CFAP36: variants seen among roughly 807,000 people sequenced by gnomAD.
The protein encoded by CFAP36 is cilia and flagella associated protein 36.
A neutral mutation model predicts 50.5 loss-of-function variants in CFAP36; 37 were observed. The observed-to-expected ratio is 0.73, with a 90% confidence interval of 0.56 to 0.96. The LOEUF (loss-of-function observed/expected upper bound fraction) is 0.96. Ranked by LOEUF, CFAP36 falls within the 50% of genes least tolerant of loss-of-function variation. CFAP36 has a pLI of 0.00. For synonymous variants in CFAP36, 138 were observed against 128.2 expected (o/e 1.08, Z -0.52); for missense variants, 407 against 396.2 (o/e 1.03, Z -0.23).
Position 55,533,943 on chromosome 2 carries a change from C to A in CFAP36, c.468C>A (p.Ile156=). Residue 156 remains isoleucine, a synonymous_variant, in exon 5 of 10, where the codon ATC becomes ATA. Transcript: ENST00000349456. The part of the protein sequence containing the change: ...VSDLEHEEMK[I]LREVLRKSKE... ...ACCTTGAACACGAAGAGATGAAAATCCTGAGGGAAGTTCTTAGGTACCATT... is the reference window on the plus strand; with the variant it reads ...ACCTTGAACACGAAGAGATGAAAATACTGAGGGAAGTTCTTAGGTACCATT... The A allele has an allele frequency of 6.2e-7, 1 of 1,607,122 alleles. No individual in the cohort carries two copies. The highest frequency in any genetic ancestry group is 8.5e-7 in the Non-Finnish European group (1 of 1,175,090).
rs373800467 is a variant in CFAP36, at chr2:55,544,058, T to C, written c.761T>C (p.Ile254Thr). 11 of 1,613,922 alleles carry C rather than the reference T, an allele frequency of 6.8e-6. No homozygotes were observed. The highest frequency in any genetic ancestry group is 5.3e-5 in the African/African-American group (4 of 74,992). ...ATTCCTGGCTTAGAGCATGCGAGCA[T>C]TGAAGGACCAATAGCAGTAAGTAAA... is the stretch of plus-strand genomic sequence containing the variant. ...LKIPGLEHASIEGPIANLSVL... is the reference protein window; with the variant it reads ...LKIPGLEHASTEGPIANLSVL... Residue 254 changes from isoleucine to threonine, a missense_variant, in exon 8 of 10, where the codon ATT becomes ACT. Transcript: ENST00000349456.
rs1245751711 is a variant in CFAP36, at chr2:55,528,886, G to A, written c.291G>A (p.Leu97=). 6.3e-7 allele frequency: 1 copy of A among 1,599,154 alleles called. No individual in the cohort carries two copies. The highest frequency in any genetic ancestry group is 1.3e-5 in the African/African-American group (1 of 74,270). Residue 97 remains leucine, a synonymous_variant, in exon 4 of 10, where the codon TTG becomes TTA. Transcript: ENST00000349456. The stretch of plus-strand genomic sequence containing the variant: ...GAGACTTCTTTCCACAGGCCATTTT[G>A]CAACCTGTGTTGGCAGCAGAAGATT... The part of the protein sequence containing the change: ...LAKTHTSQAI[L]QPVLAAEDFT...
intron 1 of CFAP36, among the ~76,000 whole-genome samples, chr2:55,521,070 G>C (rs1684049355): frequency 6.6e-6 from 1 of 152,098 alleles, no homozygotes; most frequent in Non-Finnish European, 1.5e-5. Flanking sequence ...ATGAAATTCA[G>C]TTTGACCACT....
chr2:55,540,916 G>A (rs1346142941), intron 7 of CFAP36, among the ~76,000 whole-genome samples: 1 of 152,144 alleles, frequency 6.6e-6, no homozygotes, highest in African/African-American at 2.4e-5. Context: ...GGGAGGCTGA[G>A]GCAGGAGAAT....
At chr2:55,524,219 A>T (rs1295148495) in intron 3 of CFAP36, among the ~76,000 whole-genome samples, 4 of 152,134 alleles carry the variant, frequency 2.6e-5, no homozygotes, top group Non-Finnish European at 5.9e-5. Flanking sequence ...GTGTAGTGCT[A>T]GGCTGAAGTA....
chr2:55,540,492 T>G (rs1684607727), intron 7 of CFAP36, among the ~76,000 whole-genome samples: 1 of 151,782 alleles, frequency 6.6e-6, no homozygotes, highest in Non-Finnish European at 1.5e-5. Flanking sequence ...CACACTCTCT[T>G]GATTACTGTA....
chr2:55,520,299 C>G, intron 1 of CFAP36: 1 of 1,019,898 alleles, frequency 9.8e-7, no homozygotes, highest in Non-Finnish European at 1.4e-6. Flanking sequence ...CTTTGCCAGA[C>G]TTGAGAGGAG....
At chr2:55,538,764 G>T (rs773276081) in intron 7 of CFAP36, 15 of 1,509,124 alleles carry the variant, frequency 9.9e-6, no homozygotes, top group East Asian at 2.5e-5. Context: ...TTTTTTTAAA[G>T]AAATTCAAGG....
chr2:55,522,665 T>G (rs1684101649), intron 2 of CFAP36, among the ~76,000 whole-genome samples: 1 of 152,136 alleles, frequency 6.6e-6, no homozygotes, highest in Admixed American at 6.5e-5. Context: ...TTTTTGTATT[T>G]TGTAGAGATG....
At chr2:55,540,692 C>G (rs745928128) in intron 7 of CFAP36, among the ~76,000 whole-genome samples, 1 of 152,130 alleles carries the variant, frequency 6.6e-6, no homozygotes, top group African/African-American at 2.4e-5. Flanking sequence ...GAACTGACAT[C>G]TTGACATTGA....
chr2:55,535,462 G>C (rs1027463331), intron 5 of CFAP36, among the ~76,000 whole-genome samples: 2 of 152,086 alleles, frequency 1.3e-5, no homozygotes, highest in African/African-American at 4.8e-5. Context: ...ATTCAGCTAG[G>C]GTTCATTCAG....
chr2:55,535,576 A>C (rs1177722211), intron 5 of CFAP36, 136 bp from the exon 6 acceptor site: 3 of 649,272 alleles, frequency 4.6e-6, no homozygotes, highest in African/African-American at 1.9e-5. Context: ...CTTTAGAGCA[A>C]GGCTTGATTA....
intron 7 of CFAP36, among the ~76,000 whole-genome samples, chr2:55,541,984 T>G (rs1010908819): frequency 1.1e-3 from 21 of 19,646 alleles, no homozygotes; most frequent in Non-Finnish European, 1.7e-3. Flanking sequence ...GAAGTTACCT[T>G]GCTTCTTTGT....
intron 5 of CFAP36, among the ~76,000 whole-genome samples, chr2:55,534,285 G>A (rs1164573103): frequency 6.6e-6 from 1 of 152,182 alleles, no homozygotes; most frequent in Admixed American, 6.5e-5. Context: ...GAGCTAAACA[G>A]CTTACTCCTT....
At chr2:55,520,761 A>C (rs951025240) in intron 1 of CFAP36, among the ~76,000 whole-genome samples, 2 of 152,206 alleles carry the variant, frequency 1.3e-5, no homozygotes, top group Admixed American at 1.3e-4. Context: ...AGTATTCATC[A>C]ATTATTTGAA....
chr2:55,532,880 C>T (rs367556144), intron 4 of CFAP36, among the ~76,000 whole-genome samples: 3 of 152,210 alleles, frequency 2.0e-5, no homozygotes, highest in Admixed American at 6.5e-5. Flanking sequence ...CCACCTGCTT[C>T]GCAGGAAGAT....
chr2:55,542,406 T>A (rs931280012), intron 7 of CFAP36, among the ~76,000 whole-genome samples: 3 of 152,226 alleles, frequency 2.0e-5, no homozygotes, highest in African/African-American at 7.2e-5. Flanking sequence ...AGACCTGAGT[T>A]TGGAAGAATC....
chr2:55,528,937 C>T lies in CFAP36; in HGVS notation c.342C>T (p.Val114=), dbSNP rs774981142. 2 of 1,611,376 alleles carry T rather than the reference C, an allele frequency of 1.2e-6. No homozygotes were observed. Among genetic ancestry groups the T allele is most frequent in the Admixed American group, 1.7e-5 (1 of 59,594 alleles). Reference sequence around the variant, plus strand: ...TTACTATCTTTAAAGCAATGATGGTCCAGAAAAACATTGAAATGCAGCTGC... The same window carrying T: ...TTACTATCTTTAAAGCAATGATGGTTCAGAAAAACATTGAAATGCAGCTGC... ...EDFTIFKAMM[V]QKNIEMQLQA... is the part of the protein sequence containing the mutation. Residue 114 remains valine (V), a synonymous_variant, in exon 4 of 10, where the codon GTC becomes GTT. Coordinates refer to ENST00000349456, the MANE Select transcript of CFAP36 (RefSeq NM_080667.7).
In CFAP36 at chr2:55,537,319, C is replaced by T. The variant is rs533777915; in HGVS notation, c.538-164C>T. On this transcript the variant is annotated intron_variant, in intron 6 of 9. Transcript: ENST00000349456. ...CCAGGAGCCGGAGGTTGCAGTGAGT[C>T]AGGATCACACTACTGCACTCCAGTC... Among the ~76,000 whole-genome samples, 6 of 152,012 alleles carry T rather than the reference C, an allele frequency of 3.9e-5. No homozygotes were observed. In the East Asian group the frequency reaches 5.8e-4, roughly 15 times the overall value.
Sources: gnomAD v4.1 joint callset for allele counts (sites outside exome capture counted in the v4.1 genomes callset) on GRCh38, gnomAD v4.1.1 for gene constraint, MANE v1.5 for transcripts, NCBI Gene and HGNC (gene_info 2026-07-23, HGNC 2026-07-21) for gene names.